Variants in FRMD3 observed in about 807,000 individuals in gnomAD.
The protein encoded by FRMD3 is FERM domain containing 3.
FRMD3 carries 33 observed loss-of-function variants against 70.2 expected under a neutral mutation model. The observed-to-expected ratio is 0.47, with a 90% confidence interval of 0.36 to 0.63. The LOEUF is 0.63. FRMD3 is among the 20% of genes least tolerant of loss of function. FRMD3 has a pLI of 0.00. For synonymous variants in FRMD3, 279 were observed against 255.9 expected, an observed-to-expected ratio of 1.09 and a Z score of -0.86; for missense variants, 632 against 711.4, an observed-to-expected ratio of 0.89 and a Z score of 1.27.
intron 6 of FRMD3, among the ~76,000 whole-genome samples, chr9:83,327,321 AC>A (rs1162870319): frequency 6.6e-6 from 1 of 152,234 alleles, no homozygotes; most frequent in Non-Finnish European, 1.5e-5. Flanking sequence ...TTTCCACACC[AC>A]TGGCTTCAAA....
upstream of FRMD3, among the ~76,000 whole-genome samples, chr9:83,538,804 G>A (rs1829960721): frequency 6.6e-6 from 1 of 150,404 alleles, no homozygotes; most frequent in Non-Finnish European, 1.5e-5. This position sits in a 1 kb window ranked among gnomAD's most constrained non-coding sequence, Gnocchi z 4.7. Context: ...CCAGGGACCT[G>A]GCGCGGGTAG....
the FRMD3 span, among the ~76,000 whole-genome samples, chr9:83,553,180 T>C: frequency 3.9e-5 from 6 of 152,220 alleles, no homozygotes; most frequent in African/African-American, 7.2e-5. Flanking sequence ...GATAATGAAT[T>C]CCCTCAACAT....
intron 1 of FRMD3, among the ~76,000 whole-genome samples, chr9:83,450,196 T>C (rs565207807): frequency 2.5e-4 from 34 of 137,736 alleles, no homozygotes; most frequent in Non-Finnish European, 4.3e-4. Flanking sequence ...CATGTGTGTG[T>C]GTGCACCCGT....
In FRMD3 at chr9:83,248,445, C is replaced by T; in HGVS notation, c.1267G>A (p.Glu423Lys). 1 of 1,614,038 alleles carries T rather than the reference C, an allele frequency of 6.2e-7. No homozygotes were observed. Among genetic ancestry groups the T allele is most frequent in the Non-Finnish European group, 8.5e-7 (1 of 1,180,032 alleles). ...ISSSPVKAAR[E>K]YEDPPSEEED... ...TCTTCACTAGGGGGATCTTCATACT[C>T]CCGGGCTGCCTTCACTGGGGAGCTG... is the stretch of plus-strand genomic sequence containing the variant. Residue 423 changes from glutamate to lysine, a missense_variant, in exon 14 of 14, where the codon GAG (glutamate) becomes AAG (lysine). Glu to Lys is a moderately conservative substitution (Grantham distance 56). Around this residue, in one of 3 missense-constraint regions of FRMD3, gnomAD observed 418 missense variants for 442.1 expected, o/e 0.95. Coordinates refer to ENST00000304195, the MANE Select transcript of FRMD3 (RefSeq NM_174938.6).
At chr9:83,513,358 T>C (rs1829382496) in intron 1 of FRMD3, among the ~76,000 whole-genome samples, 1 of 152,222 alleles carries the variant, frequency 6.6e-6, no homozygotes, top group Non-Finnish European at 1.5e-5. Flanking sequence ...GAGGAGCACG[T>C]CTAGGGTCAG....
intron 13 of FRMD3, among the ~76,000 whole-genome samples, chr9:83,284,072 T>A (rs1176820717): frequency 1.9e-4 from 29 of 150,324 alleles, no homozygotes; most frequent in Non-Finnish European, 1.9e-4. Context: ...TTTTTTTTTT[T>A]TTTTTTTTTT....
chr9:83,310,604 C>T (rs903576584), intron 8 of FRMD3, 56 bp from the exon 9 acceptor site: 1 of 1,372,880 alleles, frequency 7.3e-7, no homozygotes, highest in African/African-American at 1.5e-5. Flanking sequence ...AACCAAGGTA[C>T]CTGGGTTTCC....
chr9:83,288,318 T>C (rs965420441), intron 13 of FRMD3, among the ~76,000 whole-genome samples: 6 of 152,210 alleles, frequency 3.9e-5, no homozygotes, highest in African/African-American at 1.4e-4. Flanking sequence ...TACAATGGTA[T>C]CCAGAACACA....
chr9:83,580,192 A>G, the FRMD3 span, among the ~76,000 whole-genome samples: 5 of 152,118 alleles, frequency 3.3e-5, no homozygotes, highest in Admixed American at 3.3e-4. Flanking sequence ...GGAAATGTAA[A>G]TTGGTATAGC....
chr9:83,524,220 T>C (rs190226846), intron 1 of FRMD3, among the ~76,000 whole-genome samples: 1 of 152,232 alleles, frequency 6.6e-6, no homozygotes, highest in South Asian at 2.1e-4. Context: ...AAAATTTCAT[T>C]AGCATTACCC....
intron 1 of FRMD3, among the ~76,000 whole-genome samples, chr9:83,465,293 C>T (rs543257004): frequency 2.0e-5 from 3 of 152,228 alleles, no homozygotes; most frequent in South Asian, 4.1e-4. Context: ...GTGCTCTTCC[C>T]AGAACTCTAG....
intron 1 of FRMD3, among the ~76,000 whole-genome samples, chr9:83,507,736 A>ATATCTATATCTATC (rs1554713918): frequency 1.1e-5 from 1 of 88,696 alleles, no homozygotes; most frequent in Non-Finnish European, 2.4e-5. Context: ...ATATATATAT[A>ATATCTATATCTATC]TATCTTCTGG....
intron 3 of FRMD3, among the ~76,000 whole-genome samples, chr9:83,372,237 C>T (rs1364819145): frequency 6.6e-6 from 1 of 151,994 alleles, no homozygotes; most frequent in African/African-American, 2.4e-5. Context: ...CAGAACAAAA[C>T]ATCATGTCAC....
upstream of FRMD3, among the ~76,000 whole-genome samples, chr9:83,541,044 T>G (rs1829993745): frequency 6.6e-6 from 1 of 152,210 alleles, no homozygotes; most frequent in South Asian, 2.1e-4. Context: ...CATGCCCTCT[T>G]CCTTATGTAA....
intron 3 of FRMD3, among the ~76,000 whole-genome samples, chr9:83,371,015 TA>T (rs1180154828): frequency 2.6e-5 from 4 of 152,244 alleles, no homozygotes; most frequent in South Asian, 2.1e-4. Context: ...TCACAAAGTT[TA>T]TTTTTTTGCT....
chr9:83,520,907 C>A (rs1829556373), intron 1 of FRMD3, among the ~76,000 whole-genome samples: 1 of 145,358 alleles, frequency 6.9e-6, no homozygotes. Context: ...GGTGGACCAC[C>A]TGAGATCAGG....
intron 1 of FRMD3, among the ~76,000 whole-genome samples, chr9:83,490,784 TCTCTCTCTCTCTCTCACACA>T (rs1032457750): frequency 1.6e-5 from 2 of 128,582 alleles, no homozygotes; most frequent in East Asian, 4.7e-4. Context: ...TCTCTCTCTC[TCTCTCTCTCTCTCTCACACA>T]CACACACACA....
At chr9:83,568,372 T>C in the FRMD3 span, among the ~76,000 whole-genome samples, 15 of 152,216 alleles carry the variant, frequency 9.9e-5, no homozygotes, top group Admixed American at 4.6e-4. Context: ...TGACAAATTA[T>C]GTATTAAATT....
rs2131455040 is a variant in FRMD3 at position 83,469,165 on chromosome 9, C to T, written c.147+68920G>A. On this transcript the variant is annotated intron_variant, in intron 1 of 13. Transcript: ENST00000304195. The stretch of plus-strand genomic sequence containing the variant: ...ACGAGAGCAGGGATGAAGACTTACA[C>T]TGGCTGGAGACAGTCCATCGCCAAG... Among the ~76,000 whole-genome samples, 2 of 152,336 alleles carry T rather than the reference C, an allele frequency of 1.3e-5. 1 individual carries two copies. Among genetic ancestry groups the T allele is most frequent in the Middle Eastern group, 6.8e-3 (2 of 294 alleles).
Sources: allele counts gnomAD v4.1 joint callset (sites outside exome capture counted in the v4.1 genomes callset), GRCh38; gene constraint gnomAD v4.1.1; regional missense constraint gnomAD v4.1.1; non-coding constraint Gnocchi (gnomAD v3.1); transcripts MANE v1.5; gene names NCBI Gene and HGNC (gene_info 2026-07-23, HGNC 2026-07-21).